Variants in PYROXD1 observed in about 807,000 individuals in gnomAD.
PYROXD1 encodes pyridine nucleotide-disulphide oxidoreductase domain 1.
A neutral mutation model predicts 62.0 loss-of-function variants in PYROXD1; 42 were observed. That is an observed-to-expected ratio of 0.68 (90% confidence interval 0.53 to 0.88). The LOEUF is 0.88. Among genes scored for constraint, PYROXD1 ranks in the 40% least tolerant of loss-of-function variants. PYROXD1 has a pLI of 0.00. For synonymous variants in PYROXD1, 170 were observed against 206.4 expected, an observed-to-expected ratio of 0.82 and a Z score of 1.51; for missense variants, 493 against 604.8, an observed-to-expected ratio of 0.82 and a Z score of 1.94.
intron 3 of PYROXD1, chr12:21,448,390 G>A (rs1942432222): frequency 4.3e-6 from 1 of 233,276 alleles, no homozygotes; most frequent in African/African-American, 2.3e-5. Flanking sequence ...CAAAAATTTA[G>A]CAGTAGCTAA....
At position 21,461,065 on chromosome 12, in the gene PYROXD1, A is replaced by G. The variant is rs758238573; in HGVS notation, c.791A>G (p.Lys264Arg). 8.3e-6 allele frequency: 13 copies of G among 1,569,976 alleles called. No individual in the cohort carries two copies. In the Admixed American group the frequency reaches 1.4e-4, roughly 17 times the overall value. ...KIHLETMCEV[K>R]KIYLQDEFRI... ...CACCTTGAAACTATGTGTGAAGTAA[A>G]GAAAATCTACCTTCAGGATGAGTTT... The change falls in exon 8 of 12, where the codon AAG becomes AGG. Residue 264 changes from lysine (K) to arginine (R), a missense_variant. Coordinates refer to ENST00000240651, the MANE Select transcript of PYROXD1 (RefSeq NM_024854.5).
intron 10 of PYROXD1, among the ~76,000 whole-genome samples, chr12:21,464,155 T>C (rs1207858239): frequency 2.0e-5 from 3 of 151,508 alleles, no homozygotes; most frequent in Admixed American, 2.0e-4. Context: ...TTTTTTAACA[T>C]TTTTAATTCT....
chr12:21,449,561 A>C lies in PYROXD1; in HGVS notation c.286-2A>C. On this transcript the variant is annotated splice_acceptor_variant, in intron 3 of 11. Transcript: ENST00000240651. LOFTEE classifies it high-confidence loss of function. ...TTCTTTCATTGTTTGATGTATTTAC[A>C]GTGCATTGTAACAGAAGATGGCAAT... The C allele has an allele frequency of 6.2e-7, 1 of 1,610,588 alleles. No individual in the cohort carries two copies. Among genetic ancestry groups the C allele is most frequent in the Non-Finnish European group, 8.5e-7 (1 of 1,178,732 alleles).
At chr12:21,450,943 G>A (rs17682462) in intron 4 of PYROXD1, among the ~76,000 whole-genome samples, 29,663 of 152,008 alleles carry the variant, frequency 0.2, 3,120 homozygotes, top group South Asian at 0.24. Context: ...TAATTTAGCT[G>A]TTAAGTCTAT....
At chr12:21,450,956 G>A (rs1325190698) in intron 4 of PYROXD1, among the ~76,000 whole-genome samples, 2 of 152,138 alleles carry the variant, frequency 1.3e-5, no homozygotes, top group African/African-American at 4.8e-5. Context: ...AAGTCTATCA[G>A]ATACACAATT....
chr12:21,463,390 A>G (rs903075611), intron 10 of PYROXD1, among the ~76,000 whole-genome samples: 12 of 152,230 alleles, frequency 7.9e-5, no homozygotes, highest in African/African-American at 2.4e-4. Context: ...CCCTGTGGTA[A>G]TCATTACTAA....
At chr12:21,459,881 C>T (rs1309438406) in intron 7 of PYROXD1, among the ~76,000 whole-genome samples, 3 of 152,126 alleles carry the variant, frequency 2.0e-5, no homozygotes, top group African/African-American at 4.8e-5. Flanking sequence ...AGTGAATACT[C>T]CTGTCCTATT....
chr12:21,456,771 C>A (rs1038607604), intron 7 of PYROXD1: 1 of 393,286 alleles, frequency 2.5e-6, no homozygotes, highest in Admixed American at 3.3e-5. Flanking sequence ...TAGCATTTTG[C>A]CCAGAGTAGA....
Position 21,470,179 on chromosome 12 carries a change from T to C in PYROXD1, c.*1425T>C, listed in dbSNP as rs769049358. Reference sequence around the variant, plus strand: ...CATAAACCATCTTTAATTAGAAAATTTAGTAACATTCATATCAGGCATCAT... The same window carrying C: ...CATAAACCATCTTTAATTAGAAAATCTAGTAACATTCATATCAGGCATCAT... On this transcript the variant is annotated 3_prime_UTR_variant, in exon 12 of 12. Coordinates refer to ENST00000240651, the MANE Select transcript of PYROXD1 (RefSeq NM_024854.5). 1.2e-6 allele frequency: 2 copies of C among 1,609,778 alleles called. No individual in the cohort carries two copies. The highest frequency in any genetic ancestry group is 2.2e-5 in the South Asian group (2 of 90,426).
intron 4 of PYROXD1, among the ~76,000 whole-genome samples, chr12:21,450,367 G>T (rs1032308711): frequency 1.3e-5 from 2 of 152,074 alleles, no homozygotes; most frequent in African/African-American, 4.8e-5. Context: ...AAGGTGAAGC[G>T]TATTCAAAAT....
chr12:21,456,150 C>A, intron 7 of PYROXD1, 55 bp downstream of exon 7: 1 of 1,111,118 alleles, frequency 9.0e-7, no homozygotes, highest in Non-Finnish European at 1.3e-6. Context: ...AATTCTTGAA[C>A]CATTTATTAA....
intron 11 of PYROXD1, among the ~76,000 whole-genome samples, chr12:21,467,868 T>C (rs1477402097): frequency 6.6e-6 from 1 of 152,034 alleles, no homozygotes; most frequent in Non-Finnish European, 1.5e-5. Context: ...CTAGATCTGT[T>C]ACTTGTTGGT....
chr12:21,453,081 G>C (rs887993312), intron 5 of PYROXD1, among the ~76,000 whole-genome samples: 2 of 152,072 alleles, frequency 1.3e-5, no homozygotes, highest in African/African-American at 4.8e-5. Context: ...GGCCAAGAGG[G>C]AAGAGGTATA....
intron 1 of PYROXD1, among the ~76,000 whole-genome samples, chr12:21,439,760 T>A (rs1487793130): frequency 6.6e-6 from 1 of 151,984 alleles, no homozygotes; most frequent in Non-Finnish European, 1.5e-5. Context: ...AGGTACAGAG[T>A]GAAGAAGACC....
rs71582885 is a variant in PYROXD1, at chr12:21,469,888, T to C, written c.*1134T>C. 7,389 of 209,530 alleles carry C rather than the reference T, an allele frequency of 0.035. 176 individuals are homozygous for C. The highest frequency in any genetic ancestry group is 0.084 in the Middle Eastern group (43 of 510). 13.0% of individuals were successfully genotyped at this position (209,530 alleles called of 1,614,324 possible). On this transcript the variant is annotated 3_prime_UTR_variant, in exon 12 of 12. Coordinates refer to ENST00000240651, the MANE Select transcript of PYROXD1 (RefSeq NM_024854.5). ...GATAGTTATGTCAAAAGAAAAAATA[T>C]AGCTAAGTATATAAAGGCATAAAAA... is the stretch of plus-strand genomic sequence containing the variant.
At chr12:21,455,684 G>A (rs1942583334) in intron 6 of PYROXD1, among the ~76,000 whole-genome samples, 2 of 151,552 alleles carry the variant, frequency 1.3e-5, no homozygotes, top group South Asian at 4.2e-4. Flanking sequence ...GTACATTTTG[G>A]AGGTGCTAAA....
intron 2 of PYROXD1, among the ~76,000 whole-genome samples, chr12:21,442,770 A>C (rs896573159): frequency 2.0e-5 from 3 of 152,202 alleles, no homozygotes; most frequent in African/African-American, 7.2e-5. Context: ...GTAGCAAGGG[A>C]TGCCAGTTTC....
chr12:21,460,074 G>C (rs1284657635), intron 7 of PYROXD1, among the ~76,000 whole-genome samples: 1 of 152,156 alleles, frequency 6.6e-6, no homozygotes, highest in Non-Finnish European at 1.5e-5. Flanking sequence ...TCTAAATGCT[G>C]TAAGAAGCAT....
rs1304532489 is a variant in PYROXD1 at position 21,469,476 on chromosome 12, T to C, written c.*722T>C. 1 of 150,870 alleles carries C rather than the reference T, an allele frequency of 6.6e-6. No individual in the cohort carries two copies. The highest frequency in any genetic ancestry group is 1.5e-5 in the Non-Finnish European group (1 of 67,774). 9.3% of individuals were successfully genotyped at this position (150,870 alleles called of 1,614,324 possible). A position where few individuals can be genotyped will look rare whatever the true frequency, so the allele number is the denominator to read the frequency against. On this transcript the variant is annotated 3_prime_UTR_variant, in exon 12 of 12. Transcript: ENST00000240651. ...AATGTGGCTCAGGGAAGCCAAAAGA[T>C]TGGACATCCCTGATCTACATATTTA...
Sources: allele counts gnomAD v4.1 joint callset (sites outside exome capture counted in the v4.1 genomes callset), GRCh38; gene constraint gnomAD v4.1.1; transcripts MANE v1.5; gene names NCBI Gene and HGNC (gene_info 2026-07-23, HGNC 2026-07-21).